AR: variants seen among roughly 807,000 people sequenced by gnomAD.
The protein encoded by AR is androgen receptor.
AR carries 8 observed loss-of-function variants against 53.9 expected under a neutral mutation model. The observed-to-expected ratio is 0.15, with a 90% CI of 0.09 to 0.27. AR has a LOEUF of 0.27. Among genes scored for constraint, AR ranks in the 10% least tolerant of loss-of-function variants. AR has a pLI of 1.00. For missense variants in AR, 639 were observed against 742.5 expected (o/e 0.86, Z 1.62); for synonymous variants, 359 against 316.4 (o/e 1.13, Z -1.43).
At chrX:67,686,354 G>A (rs2075966861) in intron 3 of AR, among the ~76,000 whole-genome samples, 1 of 111,361 alleles carries the variant, frequency 9.0e-6, no homozygotes, top group African/African-American at 3.3e-5. Flanking sequence ...ATTAGAGCAG[G>A]CGGTGTGAAG....
At chrX:67,685,492 A>G (rs1569305595) in intron 2 of AR, among the ~76,000 whole-genome samples, 2 of 111,552 alleles carry the variant, frequency 1.8e-5, no homozygotes, top group Non-Finnish European at 3.8e-5. Context: ...CCAGCAATCT[A>G]AAAACAGTTA....
intron 1 of AR, among the ~76,000 whole-genome samples, chrX:67,554,101 T>C (rs1015108449): frequency 3.6e-5 from 4 of 112,426 alleles, no homozygotes; most frequent in Non-Finnish European, 7.5e-5. Flanking sequence ...TGTTTTTAAA[T>C]GTTCATCTCT....
At chrX:67,579,114 C>T (rs1428538818) in intron 1 of AR, among the ~76,000 whole-genome samples, 1 of 111,824 alleles carries the variant, frequency 8.9e-6, no homozygotes, top group African/African-American at 3.2e-5. Flanking sequence ...AGTAAAGTGC[C>T]AGAGTTTGAA....
chrX:67,711,717 G>A (rs775797115), intron 4 of AR, 28 bp downstream of exon 4: 1 of 1,174,345 alleles, frequency 8.5e-7, no homozygotes, highest in South Asian at 2.0e-5. Flanking sequence ...GGGAGCATGA[G>A]ATAAGGGGGA....
rs191841818 is a variant in AR at position 67,663,006 on chromosome X, G to A, written c.1768+19599G>A. Among the ~76,000 whole-genome samples the A allele has an allele frequency of 8.1e-5, 9 of 111,311 alleles. No homozygotes were observed. In the Admixed American group the frequency reaches 8.6e-4, roughly 11 times the overall value. On this transcript the variant is annotated intron_variant, in intron 2 of 7. Coordinates refer to ENST00000374690, the MANE Select transcript of AR (RefSeq NM_000044.6). ...ATCTTCTTCCATCCCTTTATTTTGA[G>A]CCTATGTGTGTCTCTGCATGTTAGA...
At chrX:67,589,932 C>T (rs1159632887) in intron 1 of AR, among the ~76,000 whole-genome samples, 1 of 111,921 alleles carries the variant, frequency 8.9e-6, no homozygotes, top group Non-Finnish European at 1.9e-5. Context: ...TAGGTTGCCA[C>T]TGTCATTTGA....
intron 3 of AR, chrX:67,689,543 C>T (rs1316882805): frequency 4.2e-6 from 4 of 955,853 alleles, no homozygotes; most frequent in Non-Finnish European, 4.0e-6. Context: ...CTGTTTCTTG[C>T]TTTTTTTTCT....
rs1191868302 is a variant in AR at position 67,546,619 on chromosome X, G to A, written c.1473G>A (p.Ala491=). 1 of 1,191,187 alleles carries A rather than the reference G, an allele frequency of 8.4e-7. No individual in the cohort carries two copies. The highest frequency in any genetic ancestry group is 1.8e-5 in the South Asian group (1 of 54,201). ...ACACTCGGCCCCCTCAGGGGCTGGC[G>A]GGCCAGGAAAGCGACTTCACCGCAC... ...YGYTRPPQGL[A]GQESDFTAPD... The change falls in exon 1 of 8, where the codon GCG becomes GCA. Residue 491 remains alanine, a synonymous_variant. Coordinates refer to ENST00000374690, the MANE Select transcript of AR (RefSeq NM_000044.6).
At chrX:67,673,328 C>T (rs2075877666) in intron 2 of AR, among the ~76,000 whole-genome samples, 1 of 105,545 alleles carries the variant, frequency 9.5e-6, no homozygotes, top group Admixed American at 1.1e-4. Flanking sequence ...GTTATTATCC[C>T]TTTGAATAAA....
At chrX:67,565,299 T>G (rs2147341198) in intron 1 of AR, among the ~76,000 whole-genome samples, 1 of 112,267 alleles carries the variant, frequency 8.9e-6, no homozygotes, top group East Asian at 2.8e-4. Flanking sequence ...CCCGGATCTA[T>G]AAGAAATCAG....
At chrX:67,583,251 C>G (rs1219782123) in intron 1 of AR, among the ~76,000 whole-genome samples, 1 of 112,092 alleles carries the variant, frequency 8.9e-6, no homozygotes, top group East Asian at 2.8e-4. Context: ...ATAGCACATA[C>G]CTCAAATGAA....
At chrX:67,714,127 G>A (rs1474906886) in intron 4 of AR, among the ~76,000 whole-genome samples, 1 of 111,834 alleles carries the variant, frequency 8.9e-6, no homozygotes, top group African/African-American at 3.2e-5. Context: ...TTAATTTGGA[G>A]TGGGTGAGTA....
chrX:67,671,930 G>A (rs988084388), intron 2 of AR, among the ~76,000 whole-genome samples: 12 of 111,171 alleles, frequency 1.1e-4, no homozygotes, highest in African/African-American at 3.9e-4. Flanking sequence ...TTATTTCTGA[G>A]GCCTCTGCTC....
chrX:67,618,026 A>T (rs775762635), intron 1 of AR, among the ~76,000 whole-genome samples: 2 of 112,400 alleles, frequency 1.8e-5, no homozygotes, highest in African/African-American at 6.5e-5. Context: ...CAGTTCCACC[A>T]GCTCTTTACC....
At chrX:67,630,086 G>T (rs1480957591) in intron 1 of AR, among the ~76,000 whole-genome samples, 2 of 110,907 alleles carry the variant, frequency 1.8e-5, no homozygotes, top group Non-Finnish European at 3.8e-5. Context: ...AATAGGTGTG[G>T]TGTGGTGCTG....
intron 2 of AR, among the ~76,000 whole-genome samples, chrX:67,649,561 G>A (rs145295394): frequency 0.011 from 1,211 of 111,854 alleles, 5 homozygotes; most frequent in Middle Eastern, 0.051. Context: ...TTTAATGATC[G>A]CCATTCTAAC....
intron 2 of AR, among the ~76,000 whole-genome samples, chrX:67,682,584 C>A (rs1333427525): frequency 8.9e-6 from 1 of 111,732 alleles, no homozygotes; most frequent in Non-Finnish European, 1.9e-5. Flanking sequence ...AGCCACTGCA[C>A]CTGGCCTTGC....
chrX:67,636,173 C>G (rs2147423653), intron 1 of AR, among the ~76,000 whole-genome samples: 1 of 110,958 alleles, frequency 9.0e-6, no homozygotes, highest in South Asian at 3.9e-4. Context: ...GCTATATCCC[C>G]AGGACCTAGA....
chrX:67,546,813 T>G, intron 1 of AR, 51 bp downstream of exon 1: 1 of 1,145,889 alleles, frequency 8.7e-7, no homozygotes, highest in Non-Finnish European at 1.2e-6. Context: ...GCAGAGTCAC[T>G]CTGTGTTCTG....
Sources: allele counts gnomAD v4.1 joint callset (sites outside exome capture counted in the v4.1 genomes callset), GRCh38; gene constraint gnomAD v4.1.1; transcripts MANE v1.5; gene names NCBI Gene and HGNC (gene_info 2026-07-23, HGNC 2026-07-21).